SRBD1: variants seen among roughly 807,000 people sequenced by gnomAD.
SRBD1 encodes the protein S1 RNA-binding domain-containing protein 1.
In SRBD1, 88 loss-of-function variants were observed where a neutral mutation model predicts 115.3. That is an observed-to-expected ratio of 0.76 (90% CI 0.64 to 0.91). The LOEUF is 0.91. Ranked by LOEUF, SRBD1 falls within the 40% of genes least tolerant of loss-of-function variation. The pLI is 0.00. For missense variants in SRBD1, 1,385 were observed against 1,177.4 expected (o/e 1.18, Z -2.58); for synonymous variants, 509 against 407.7 (o/e 1.25, Z -2.99).
At chr2:45,398,699 A>C (rs1486366538) in intron 19 of SRBD1, among the ~76,000 whole-genome samples, 1 of 152,140 alleles carries the variant, frequency 6.6e-6, no homozygotes, top group Admixed American at 6.6e-5. Context: ...AAATCTTCTA[A>C]AAGATTTAGG....
chr2:45,399,255 T>C lies in SRBD1; in HGVS notation c.2514-6126A>G, dbSNP rs77061544. Among the ~76,000 whole-genome samples, 10 of 152,266 alleles carry C rather than the reference T, an allele frequency of 6.6e-5. No individual in the cohort carries two copies. The East Asian group carries it at 1.7e-3, about 27-fold the overall frequency. ...CAACAAAGAATAATTTAGAAAAGCA[T>C]ACTCAGCTTTATTCAATAAACATTT... On this transcript the variant is annotated intron_variant, in intron 19 of 20. Transcript: ENST00000263736.
chr2:45,502,758 A>C (rs1392538898), intron 14 of SRBD1, among the ~76,000 whole-genome samples: 1 of 152,056 alleles, frequency 6.6e-6, no homozygotes, highest in Non-Finnish European at 1.5e-5. Context: ...CAGCACACCA[A>C]CATGGCACGT....
At chr2:45,437,580 A>G (rs1029962914) in intron 16 of SRBD1, among the ~76,000 whole-genome samples, 1 of 152,152 alleles carries the variant, frequency 6.6e-6, no homozygotes, top group East Asian at 1.9e-4. Context: ...AATGAATCAT[A>G]AGACAGACAT....
intron 16 of SRBD1, among the ~76,000 whole-genome samples, chr2:45,443,821 A>G (rs1668742315): frequency 6.7e-6 from 1 of 148,582 alleles, no homozygotes; most frequent in South Asian, 2.1e-4. Context: ...AAAAAAAAAA[A>G]AGAGGTGATA....
Position 45,579,954 on chromosome 2 carries a change from G to A in SRBD1, c.993C>T (p.Gly331=), listed in dbSNP as rs377242238. ...GTKAQRARQL[G]LEGAARALLE... is the part of the protein sequence containing the mutation. ...GCAGTGCCCTGGCTGCTCCTTCTAA[G>A]CCCAACTGTCTTGCTCTCTGGGCTT... is the stretch of plus-strand genomic sequence containing the variant. Residue 331 remains glycine, a synonymous_variant, in exon 7 of 21, where the codon GGC becomes GGT. Coordinates refer to ENST00000263736, the MANE Select transcript of SRBD1 (RefSeq NM_018079.5). 21 of 1,609,122 alleles carry A rather than the reference G, an allele frequency of 1.3e-5. No homozygotes were observed. Among genetic ancestry groups the A allele is most frequent in the Non-Finnish European group, 1.8e-5 (21 of 1,177,632 alleles).
intron 19 of SRBD1, among the ~76,000 whole-genome samples, chr2:45,400,280 T>C (rs1303053436): frequency 1.3e-5 from 2 of 152,050 alleles, no homozygotes; most frequent in African/African-American, 4.8e-5. Flanking sequence ...AGGGAGATAA[T>C]GGGAAACTAA....
chr2:45,547,736 C>A, intron 12 of SRBD1, 124 bp from the exon 13 acceptor site: 1 of 685,218 alleles, frequency 1.5e-6, no homozygotes, highest in Non-Finnish European at 2.4e-6. Context: ...GAAGTCTGAA[C>A]TATTCATATT....
chr2:45,564,963 T>G (rs977701886), intron 9 of SRBD1, among the ~76,000 whole-genome samples: 1 of 152,128 alleles, frequency 6.6e-6, no homozygotes, highest in East Asian at 1.9e-4. Context: ...CTACAAAACA[T>G]TGTTGAAAGA....
intron 15 of SRBD1, among the ~76,000 whole-genome samples, chr2:45,482,854 T>C (rs1323927178): frequency 6.6e-6 from 1 of 152,108 alleles, no homozygotes; most frequent in Admixed American, 6.6e-5. Flanking sequence ...AACCTACACA[T>C]ACCCTGCCAT....
chr2:45,526,126 A>AT (rs1558454942), intron 14 of SRBD1, among the ~76,000 whole-genome samples: 1 of 152,068 alleles, frequency 6.6e-6, no homozygotes, highest in Admixed American at 6.6e-5. Context: ...AAATGAGCCC[A>AT]TATGTCCACA....
chr2:45,404,813 T>C (rs567638537), intron 19 of SRBD1, among the ~76,000 whole-genome samples: 1 of 152,186 alleles, frequency 6.6e-6, no homozygotes, highest in East Asian at 1.9e-4. Flanking sequence ...CCCTTTTGAC[T>C]CAATCTCCTA....
intron 14 of SRBD1, among the ~76,000 whole-genome samples, chr2:45,497,394 T>C (rs1670492422): frequency 6.6e-6 from 1 of 152,210 alleles, no homozygotes; most frequent in South Asian, 2.1e-4. Context: ...AGACTGAATG[T>C]ACATAAACGG....
intron 7 of SRBD1, 90 bp from the exon 8 acceptor site, chr2:45,574,813 G>T: frequency 8.7e-7 from 1 of 1,146,272 alleles, no homozygotes. Flanking sequence ...ATTAATTCCA[G>T]TCAAAATAAA....
intron 14 of SRBD1, among the ~76,000 whole-genome samples, chr2:45,528,809 C>A (rs1292536740): frequency 1.3e-5 from 2 of 151,824 alleles, no homozygotes; most frequent in African/African-American, 4.8e-5. Flanking sequence ...AAATGATTAA[C>A]AGGCTTAGAA....
chr2:45,459,146 T>G (rs1669239481), intron 16 of SRBD1, among the ~76,000 whole-genome samples: 1 of 152,160 alleles, frequency 6.6e-6, no homozygotes, highest in Non-Finnish European at 1.5e-5. Context: ...TGAGTCAATT[T>G]AGATGTGAAC....
chr2:45,488,236 T>C lies in SRBD1; in HGVS notation c.1966+4A>G, dbSNP rs945426733. ...TGTTTTTGTGATGGTCCATAGTTTC[T>C]TACCTGCACTTCTCAAATTAGGGTC... On this transcript the variant is annotated splice_donor_region_variant and intron_variant, in intron 15 of 20. Coordinates refer to ENST00000263736, the MANE Select transcript of SRBD1 (RefSeq NM_018079.5). 84 of 1,613,004 alleles carry C rather than the reference T, an allele frequency of 5.2e-5. No homozygotes were observed. Among genetic ancestry groups the C allele is most frequent in the Non-Finnish European group, 7.1e-5 (84 of 1,179,284 alleles).
intron 16 of SRBD1, among the ~76,000 whole-genome samples, chr2:45,423,930 T>C (rs539573566): frequency 6.6e-6 from 1 of 152,276 alleles, no homozygotes; most frequent in African/African-American, 2.4e-5. Context: ...TCTCTTGACA[T>C]TTTTAAATTT....
chr2:45,583,731 A>C (rs963090615), intron 5 of SRBD1, among the ~76,000 whole-genome samples: 2 of 152,190 alleles, frequency 1.3e-5, no homozygotes, highest in African/African-American at 4.8e-5. Context: ...GCTGAGCTCA[A>C]GAAAAAATAA....
intron 14 of SRBD1, among the ~76,000 whole-genome samples, chr2:45,495,332 A>G (rs1489954845): frequency 6.6e-6 from 1 of 152,222 alleles, no homozygotes; most frequent in Non-Finnish European, 1.5e-5. Flanking sequence ...GGAAAAGCAA[A>G]TCAACAAACT....
Sources: allele counts gnomAD v4.1 joint callset (sites outside exome capture counted in the v4.1 genomes callset), GRCh38; gene constraint gnomAD v4.1.1; transcripts MANE v1.5; gene names NCBI Gene and HGNC (gene_info 2026-07-23, HGNC 2026-07-21).